NCAM2: variants seen among roughly 807,000 people sequenced by gnomAD.
The protein encoded by NCAM2 is N-CAM-2.
A neutral mutation model predicts 98.1 loss-of-function variants in NCAM2; 30 were observed. That is an observed-to-expected ratio of 0.31 (90% CI 0.23 to 0.41). The LOEUF is 0.41. Among genes scored for constraint, NCAM2 ranks in the 10% least tolerant of loss-of-function variants. The probability of loss-of-function intolerance (pLI) is 1.00; values close to 1 mark genes in which losing one functional copy is unlikely to be tolerated. For synonymous variants in NCAM2, 368 were observed against 342.4 expected, an observed-to-expected ratio of 1.07 and a Z score of -0.83; for missense variants, 867 against 1,005.8, an observed-to-expected ratio of 0.86 and a Z score of 1.87.
At chr21:21,122,511 A>G (rs904743815) in intron 1 of NCAM2, among the ~76,000 whole-genome samples, 2 of 152,120 alleles carry the variant, frequency 1.3e-5, no homozygotes, top group Non-Finnish European at 2.9e-5. Context: ...AACAACAACT[A>G]TTTATTATTT....
At chr21:21,322,003 A>C (rs2074386657) in intron 5 of NCAM2, among the ~76,000 whole-genome samples, 1 of 152,260 alleles carries the variant, frequency 6.6e-6, no homozygotes, top group Middle Eastern at 3.4e-3. Flanking sequence ...AGACACATGC[A>C]CTCGTACGAT....
chr21:21,214,746 T>C (rs61147142), intron 1 of NCAM2, among the ~76,000 whole-genome samples: 5,049 of 100,546 alleles, frequency 0.05, 249 homozygotes, highest in East Asian at 0.17. Context: ...TATATATATA[T>C]ACACTATATA....
intron 1 of NCAM2, among the ~76,000 whole-genome samples, chr21:21,016,818 A>C (rs2064319481): frequency 6.6e-6 from 1 of 152,152 alleles, no homozygotes; most frequent in Admixed American, 6.5e-5. Context: ...CGTAGCTATG[A>C]AGTGACCAAG....
intron 13 of NCAM2, among the ~76,000 whole-genome samples, chr21:21,467,315 A>C (rs1983808471): frequency 6.7e-6 from 1 of 150,364 alleles, no homozygotes; most frequent in African/African-American, 2.4e-5. Flanking sequence ...ATGTGAGAAA[A>C]CATAATAAAT....
At chr21:21,116,015 T>TTGTGTGTGTG (rs3071992) in intron 1 of NCAM2, among the ~76,000 whole-genome samples, 15 of 146,204 alleles carry the variant, frequency 1.0e-4, no homozygotes, top group African/African-American at 3.6e-4. Flanking sequence ...CATGCTGAGA[T>TTGTGTGTGTG]TGTGTGTGTG....
chr21:21,280,728 A>G (rs1020375276), intron 2 of NCAM2, 76 bp downstream of exon 2: 31 of 963,948 alleles, frequency 3.2e-5, no homozygotes, highest in Non-Finnish European at 4.6e-5. Context: ...GCTAAATTTA[A>G]CTAGTTAAAA....
intron 1 of NCAM2, among the ~76,000 whole-genome samples, chr21:21,103,889 T>C (rs1161844029): frequency 6.6e-6 from 1 of 152,088 alleles, no homozygotes; most frequent in African/African-American, 2.4e-5. Context: ...AGTTTAAAGA[T>C]GGAAAATGAA....
At chr21:21,431,724 T>G (rs1220455601) in intron 11 of NCAM2, among the ~76,000 whole-genome samples, 1 of 152,124 alleles carries the variant, frequency 6.6e-6, no homozygotes, top group Admixed American at 6.5e-5. Context: ...GGTTGAATAA[T>G]TGATTTATGT....
intron 16 of NCAM2, among the ~76,000 whole-genome samples, chr21:21,532,535 TATTA>T (rs1048183591): frequency 6.6e-5 from 10 of 152,180 alleles, no homozygotes; most frequent in African/African-American, 2.2e-4. Flanking sequence ...TTTGTTTGCA[TATTA>T]ATTCTTAGTA....
intron 1 of NCAM2, among the ~76,000 whole-genome samples, chr21:21,272,978 C>CACACAT (rs1245089408): frequency 1.1e-4 from 2 of 18,284 alleles, no homozygotes; most frequent in African/African-American, 2.6e-4. Context: ...CATGCATTCA[C>CACACAT]ACACATACAC....
chr21:21,372,734 C>T (rs916894073), intron 8 of NCAM2, among the ~76,000 whole-genome samples: 1 of 151,738 alleles, frequency 6.6e-6, no homozygotes, highest in Non-Finnish European at 1.5e-5. Flanking sequence ...AGGAATCACA[C>T]ACTTGGGCAC....
At chr21:21,266,294 T>C (rs2072268805) in intron 1 of NCAM2, among the ~76,000 whole-genome samples, 2 of 152,076 alleles carry the variant, frequency 1.3e-5, no homozygotes, top group Non-Finnish European at 2.9e-5. Context: ...TCCTAAATTA[T>C]TTAAGTAACA....
intron 1 of NCAM2, among the ~76,000 whole-genome samples, chr21:21,265,623 G>A (rs990190693): frequency 2.0e-5 from 3 of 151,102 alleles, no homozygotes; most frequent in Non-Finnish European, 2.9e-5. Context: ...GTAACATGGA[G>A]CTAGAGGCCA....
chr21:21,495,484 C>T (rs892686067), intron 15 of NCAM2, among the ~76,000 whole-genome samples: 4 of 152,098 alleles, frequency 2.6e-5, no homozygotes, highest in South Asian at 4.1e-4. Flanking sequence ...ACCATTGTGA[C>T]GATTCTGCTT....
At chr21:21,276,410 C>T (rs759282668) in intron 1 of NCAM2, among the ~76,000 whole-genome samples, 5 of 152,038 alleles carry the variant, frequency 3.3e-5, no homozygotes, top group Non-Finnish European at 5.9e-5. Context: ...GAATTATTCA[C>T]AGAGAACATA....
intron 15 of NCAM2, among the ~76,000 whole-genome samples, chr21:21,486,432 C>T (rs1031884300): frequency 1.3e-5 from 2 of 151,766 alleles, no homozygotes; most frequent in East Asian, 1.9e-4. Context: ...TTTTAAATCA[C>T]CATAACCAAT....
chr21:21,136,639 T>A (rs1158372109), intron 1 of NCAM2, among the ~76,000 whole-genome samples: 1 of 76,870 alleles, frequency 1.3e-5, no homozygotes, highest in African/African-American at 7.0e-5. Context: ...TGTTTTTTTT[T>A]TTATTTTTAG....
chr21:21,389,912 C>T (rs189031155), intron 9 of NCAM2, among the ~76,000 whole-genome samples: 6 of 152,246 alleles, frequency 3.9e-5, no homozygotes, highest in African/African-American at 7.2e-5. Flanking sequence ...TGCAGTGGCA[C>T]GATCTTGGCT....
intron 1 of NCAM2, among the ~76,000 whole-genome samples, chr21:21,180,686 T>C (rs2068440104): frequency 6.9e-6 from 1 of 145,248 alleles, no homozygotes; most frequent in Non-Finnish European, 1.5e-5. Context: ...AAACATTCAC[T>C]AATTAGTTTT....
Sources: allele counts gnomAD v4.1 joint callset (sites outside exome capture counted in the v4.1 genomes callset), GRCh38; gene constraint gnomAD v4.1.1; transcripts MANE v1.5; gene names NCBI Gene and HGNC (gene_info 2026-07-23, HGNC 2026-07-21).